Variants in KIF25 observed in about 807,000 individuals in gnomAD.
KIF25 encodes kinesin-like protein KIF25.
In KIF25, 19 loss-of-function variants were observed where a neutral mutation model predicts 32.9. The ratio of observed to expected loss-of-function variants is 0.58; its 90% CI spans 0.40 to 0.85. The LOEUF is 0.85. Among genes scored for constraint, KIF25 ranks in the 40% least tolerant of loss-of-function variants. The pLI is 0.00. For missense variants in KIF25, 485 were observed against 507.0 expected, an observed-to-expected ratio of 0.96 and a Z score of 0.42; for synonymous variants, 225 against 213.7, an observed-to-expected ratio of 1.05 and a Z score of -0.46.
At chr6:168,010,973 CCTTCACTTGCAGA>C (rs58516900) in intron 4 of KIF25, among the ~76,000 whole-genome samples, 20,825 of 151,944 alleles carry the variant, frequency 0.14, 1,443 homozygotes, top group South Asian at 0.19. Context: ...TTTTTCCATC[CCTTCACTTGCAGA>C]CTATACGTCT....
intron 12 of KIF25, among the ~76,000 whole-genome samples, chr6:168,044,526 C>G (rs1474647542): frequency 6.9e-6 from 1 of 144,868 alleles, no homozygotes; most frequent in Non-Finnish European, 1.5e-5. Context: ...TAGTGACTGG[C>G]TGCTGACCCT....
At chr6:168,009,968 A>C (rs976005475) in intron 4 of KIF25, among the ~76,000 whole-genome samples, 1 of 151,590 alleles carries the variant, frequency 6.6e-6, no homozygotes, top group East Asian at 1.9e-4. Context: ...TTTTTCTGTT[A>C]GTCTGGCTAA....
intron 5 of KIF25, among the ~76,000 whole-genome samples, chr6:168,029,228 T>G (rs1798905639): frequency 6.6e-6 from 1 of 152,224 alleles, no homozygotes; most frequent in African/African-American, 2.4e-5. Context: ...ACACAAAACC[T>G]AAAATATTTA....
chr6:168,007,169 G>C (rs903901201), intron 4 of KIF25, among the ~76,000 whole-genome samples: 1 of 152,134 alleles, frequency 6.6e-6, no homozygotes, highest in African/African-American at 2.4e-5. Context: ...CTAGCACTTT[G>C]GGAGGCCAAG....
intron 8 of KIF25, chr6:168,035,684 T>C: frequency 2.2e-6 from 1 of 455,788 alleles, no homozygotes. Context: ...GCCTCGTTTC[T>C]AAAATGGTTT....
At chr6:168,024,966 G>T (rs920767555) in intron 5 of KIF25, among the ~76,000 whole-genome samples, 6 of 152,308 alleles carry the variant, frequency 3.9e-5, no homozygotes, top group African/African-American at 1.2e-4. Flanking sequence ...CAGGAGAATC[G>T]CATGAACCCG....
intron 4 of KIF25, among the ~76,000 whole-genome samples, chr6:168,004,463 A>T (rs1049011651): frequency 6.6e-6 from 1 of 152,242 alleles, no homozygotes; most frequent in African/African-American, 2.4e-5. Context: ...TCAACTCATT[A>T]TTCCAAAAAG....
intron 5 of KIF25, among the ~76,000 whole-genome samples, chr6:168,026,827 T>A (rs1031428410): frequency 6.6e-6 from 1 of 152,258 alleles, no homozygotes; most frequent in Non-Finnish European, 1.5e-5. Flanking sequence ...ATCAGGAAGC[T>A]GAAGGACTGC....
Position 168,040,093 on chromosome 6 carries a change from G to A in KIF25, c.523G>A (p.Glu175Lys). The A allele has an allele frequency of 1.2e-6, 2 of 1,613,768 alleles. No homozygotes were observed. The highest frequency in any genetic ancestry group is 2.2e-5 in the South Asian group (2 of 91,058). Reference protein sequence around the residue: ...EAVGSASKLMELVHGGLQLRA... With the variant: ...EAVGSASKLMKLVHGGLQLRA... Reference sequence around the variant, plus strand: ...TGTCGGCAGCGCCTCGAAACTGATGGAGCTCGTTCATGGAGGTCTGCAGCT... The same window carrying A: ...TGTCGGCAGCGCCTCGAAACTGATGAAGCTCGTTCATGGAGGTCTGCAGCT... Residue 175 changes from glutamate to lysine, a missense_variant, in exon 10 of 13, where the codon GAG becomes AAG. Glu to Lys is a moderately conservative substitution (Grantham distance 56). Around this residue, in one of 2 missense-constraint regions of KIF25, gnomAD observed 480 missense variants for 470.3 expected, o/e 1.02. Coordinates refer to ENST00000643607, the MANE Select transcript of KIF25 (RefSeq NM_030615.4).
At chr6:168,037,102 T>C (rs1352990013) in intron 8 of KIF25, among the ~76,000 whole-genome samples, 2 of 152,204 alleles carry the variant, frequency 1.3e-5, no homozygotes. Context: ...ATAAAATCTG[T>C]AGCTTAGCTA....
intron 5 of KIF25, among the ~76,000 whole-genome samples, chr6:168,023,035 A>C (rs1252983898): frequency 6.6e-6 from 1 of 151,880 alleles, no homozygotes; most frequent in Non-Finnish European, 1.5e-5. Flanking sequence ...CTTACCACTT[A>C]TCTGGACCCC....
intron 2 of KIF25, among the ~76,000 whole-genome samples, chr6:168,001,623 G>T (rs1798504480): frequency 2.2e-5 from 3 of 138,586 alleles, no homozygotes; most frequent in Middle Eastern, 4.2e-3. Flanking sequence ...CCGTGGCCTC[G>T]GGCAGGTGAG....
Position 168,000,663 on chromosome 6 carries a change from T to A in KIF25, c.-370+1343T>A, listed in dbSNP as rs548545138. Among the ~76,000 whole-genome samples, 12 of 145,256 alleles carry A rather than the reference T, an allele frequency of 8.3e-5. No individual in the cohort carries two copies. The South Asian group carries it at 2.7e-3, about 33-fold the overall frequency. On this transcript the variant is annotated intron_variant, in intron 2 of 12. Coordinates refer to ENST00000643607, the MANE Select transcript of KIF25 (RefSeq NM_030615.4). Reference sequence around the variant, plus strand: ...CCTGACCACACCTGGCCCTCCCCACTCCCATCCTGACCACACCTGGCCCTC... The same window carrying A: ...CCTGACCACACCTGGCCCTCCCCACACCCATCCTGACCACACCTGGCCCTC...
rs1205498329 is a variant in KIF25, at chr6:168,006,911, T to C, written c.-163+3208T>C. On this transcript the variant is annotated intron_variant, in intron 4 of 12. Transcript: ENST00000643607. ...TTTAAAAAGGCCAAGAAAATTGTTA[T>C]AGCCATACTTTAAAATTGCTCTTAC... Among the ~76,000 whole-genome samples, 8 of 152,352 alleles carry C rather than the reference T, an allele frequency of 5.3e-5. No homozygotes were observed. In the East Asian group the frequency reaches 1.5e-3, roughly 29 times the overall value.
intron 4 of KIF25, among the ~76,000 whole-genome samples, chr6:168,017,071 G>A (rs1237349290): frequency 6.6e-6 from 1 of 152,252 alleles, no homozygotes; most frequent in Non-Finnish European, 1.5e-5. Flanking sequence ...TCCGGCAGCT[G>A]CCCACGACTG....
chr6:168,001,850 G>A (rs13199664), intron 2 of KIF25, among the ~76,000 whole-genome samples: 21 of 70,310 alleles, frequency 3.0e-4, no homozygotes, highest in African/African-American at 1.1e-3. Flanking sequence ...ACCTTCAGGC[G>A]TAGCCTCGGG....
intron 5 of KIF25, among the ~76,000 whole-genome samples, chr6:168,025,202 G>T (rs186727801): frequency 5.1e-4 from 77 of 152,314 alleles, no homozygotes; most frequent in African/African-American, 1.8e-3. Context: ...CATCAGAGAC[G>T]CGGGGACGCT....
chr6:168,020,886 A>G (rs903140689), intron 5 of KIF25, among the ~76,000 whole-genome samples: 2 of 152,252 alleles, frequency 1.3e-5, no homozygotes, highest in Non-Finnish European at 2.9e-5. Flanking sequence ...AAGCTGTTCT[A>G]TATCTCAATA....
rs1798452334 is a variant in KIF25, at chr6:167,998,426, G to C, written c.-1043G>C. 6.6e-6 allele frequency: 1 copy of C among 152,176 alleles called. No homozygotes were observed. Among genetic ancestry groups the C allele is most frequent in the Non-Finnish European group, 1.5e-5 (1 of 68,034 alleles). The allele number at this position is 152,176 out of a possible 1,614,324, so 9.4% of individuals were successfully genotyped here. A position where few individuals can be genotyped will look rare whatever the true frequency, so the allele number is the denominator to read the frequency against. ...ACACCCACTTGGTTTTCAAAATGTA[G>C]AAGGAGCTGCTCAGCATGACAGGGT... On this transcript the variant is annotated 5_prime_UTR_variant, in exon 1 of 13. The change abolishes the stop of an existing upstream ORF in the 5' untranslated region. Transcript: ENST00000643607.
Sources: allele counts gnomAD v4.1 joint callset (sites outside exome capture counted in the v4.1 genomes callset), GRCh38; gene constraint gnomAD v4.1.1; regional missense constraint gnomAD v4.1.1; transcripts MANE v1.5; gene names NCBI Gene and HGNC (gene_info 2026-07-23, HGNC 2026-07-21).